DLGAP1: variants seen among roughly 807,000 people sequenced by gnomAD.
The protein encoded by DLGAP1 is disks large-associated protein 1.
DLGAP1 carries 11 observed loss-of-function variants against 90.8 expected under a neutral mutation model. The observed-to-expected ratio is 0.12, with a 90% CI of 0.08 to 0.20. The LOEUF (loss-of-function observed/expected upper bound fraction) is 0.20, where lower values mean the gene tolerates loss of function less well. DLGAP1 is among the 10% of genes least tolerant of loss of function. The pLI is 1.00. For missense variants in DLGAP1, 1,050 were observed against 1,333.8 expected, an observed-to-expected ratio of 0.79 and a Z score of 3.31; for synonymous variants, 558 against 540.7, an observed-to-expected ratio of 1.03 and a Z score of -0.44.
At chr18:3,877,449 T>G (rs917923642) in intron 4 of DLGAP1, among the ~76,000 whole-genome samples, 8 of 152,208 alleles carry the variant, frequency 5.3e-5, no homozygotes, top group Non-Finnish European at 1.0e-4. Context: ...GGTGTTTTTG[T>G]TTTTGTTTTT....
chr18:3,900,914 T>C (rs902290096), intron 3 of DLGAP1, among the ~76,000 whole-genome samples: 17 of 152,278 alleles, frequency 1.1e-4, no homozygotes, highest in African/African-American at 3.9e-4. Context: ...CATCTCCCCC[T>C]CGACCTCGTT....
At chr18:3,868,213 T>TG (rs1204417518) in intron 4 of DLGAP1, among the ~76,000 whole-genome samples, 1 of 152,084 alleles carries the variant, frequency 6.6e-6, no homozygotes, top group Non-Finnish European at 1.5e-5. Context: ...AGGAGTGTTA[T>TG]GGGGGAATGA....
chr18:4,187,598 T>C (rs2077320360), intron 1 of DLGAP1, among the ~76,000 whole-genome samples: 1 of 152,198 alleles, frequency 6.6e-6, no homozygotes, highest in Non-Finnish European at 1.5e-5. Flanking sequence ...ATTAGTATCA[T>C]CCATTTTCTG....
Position 3,499,934 on chromosome 18 carries a change from C to A in DLGAP1, c.2725-540G>T, listed in dbSNP as rs1404611568. Among the ~76,000 whole-genome samples the A allele has an allele frequency of 6.6e-6, 1 of 152,184 alleles. No individual in the cohort carries two copies. Among genetic ancestry groups the A allele is most frequent in the Non-Finnish European group, 1.5e-5 (1 of 68,024 alleles). ...GGAAGAAGAGATATCAGATTGTGTT[C>A]TTTAGCTTTGTTGGTGCTACACCAG... is the stretch of plus-strand genomic sequence containing the variant. On this transcript the variant is annotated intron_variant, in intron 12 of 12. Transcript: ENST00000315677. The surrounding 1 kb of genome is among the most constrained non-coding windows in gnomAD (Gnocchi z 6.4).
At chr18:4,425,013 C>T (rs770293609) in intron 1 of DLGAP1, among the ~76,000 whole-genome samples, 11 of 140,246 alleles carry the variant, frequency 7.8e-5, no homozygotes, top group Non-Finnish European at 1.5e-4. Context: ...ATACAAAAAT[C>T]TTTGCAAGAA....
chr18:4,171,719 A>C (rs1400088637), intron 1 of DLGAP1, among the ~76,000 whole-genome samples: 2 of 152,210 alleles, frequency 1.3e-5, no homozygotes, highest in Non-Finnish European at 2.9e-5. Context: ...TTCACTCATA[A>C]ACCTAGCTTT....
rs2081206729 is a variant in DLGAP1, at chr18:4,342,265, T to C, written c.-267+112741A>G. On this transcript the variant is annotated intron_variant, in intron 1 of 12. Coordinates refer to ENST00000315677, the MANE Select transcript of DLGAP1 (RefSeq NM_004746.4). This position sits in a 1 kb window ranked among gnomAD's most constrained non-coding sequence, Gnocchi z 5.8. ...ACAGAGCCCCTGAACTTGATTCTGC[T>C]TGCATTTTAATGGTAGGCGAGGATT... Among the ~76,000 whole-genome samples, 2 of 152,138 alleles carry C rather than the reference T, an allele frequency of 1.3e-5. No homozygotes were observed. The highest frequency in any genetic ancestry group is 4.8e-5 in the African/African-American group (2 of 41,410).
intron 1 of DLGAP1, among the ~76,000 whole-genome samples, chr18:4,204,120 T>G (rs530374352): frequency 2.6e-5 from 4 of 152,356 alleles, no homozygotes; most frequent in African/African-American, 9.6e-5. Flanking sequence ...GCATTCATCT[T>G]CTATAATATT....
chr18:4,224,746 T>G lies in DLGAP1; in HGVS notation c.-266-73459A>C, dbSNP rs1031138012. ...GGTCTTGGCTCTGGGCCCATATCTC[T>G]GGACCCACCTGGGGCCAGGGGGACT... On this transcript the variant is annotated intron_variant, in intron 1 of 12. Transcript: ENST00000315677. Among the ~76,000 whole-genome samples, 25 of 152,296 alleles carry G rather than the reference T, an allele frequency of 1.6e-4. No individual in the cohort carries two copies. The South Asian group carries it at 4.6e-3, about 28-fold the overall frequency.
At chr18:3,690,766 T>C (rs2147008682) in intron 7 of DLGAP1, among the ~76,000 whole-genome samples, 1 of 152,352 alleles carries the variant, frequency 6.6e-6, no homozygotes, top group South Asian at 2.1e-4. Context: ...TGTAGTTTTT[T>C]CCTCCAGCTT....
At chr18:4,307,275 GA>G (rs2080284826) in intron 1 of DLGAP1, among the ~76,000 whole-genome samples, 1 of 152,090 alleles carries the variant, frequency 6.6e-6, no homozygotes, top group Non-Finnish European at 1.5e-5. Context: ...AGACATTCCA[GA>G]AGGTTCTTTT....
At chr18:3,970,407 A>G (rs2073421397) in intron 3 of DLGAP1, among the ~76,000 whole-genome samples, 3 of 152,200 alleles carry the variant, frequency 2.0e-5, no homozygotes, top group Admixed American at 1.3e-4. Context: ...TGTAGCACTA[A>G]TAATAAAAAG....
At chr18:3,527,514 G>A (rs1253948757) in intron 10 of DLGAP1, among the ~76,000 whole-genome samples, 1 of 140,004 alleles carries the variant, frequency 7.1e-6, no homozygotes, top group Non-Finnish European at 1.5e-5. Flanking sequence ...GAACATGGTT[G>A]TTCTGCTTAT....
chr18:3,885,474 G>A (rs2071285871), intron 3 of DLGAP1: 1 of 152,176 alleles, frequency 6.6e-6, no homozygotes, highest in African/African-American at 2.4e-5. Flanking sequence ...CATGAAAAGA[G>A]ATAAATAACA....
intron 1 of DLGAP1, among the ~76,000 whole-genome samples, chr18:4,331,984 A>G (rs372828029): frequency 2.0e-5 from 3 of 151,916 alleles, no homozygotes; most frequent in Non-Finnish European, 4.4e-5. Context: ...GGAGCTTACA[A>G]TTCAATGGGG....
chr18:3,687,677 C>T (rs1454311132), intron 7 of DLGAP1, among the ~76,000 whole-genome samples: 1 of 152,066 alleles, frequency 6.6e-6, no homozygotes, highest in Non-Finnish European at 1.5e-5. Context: ...TAGCTATGAA[C>T]TTAAAAACAA....
intron 2 of DLGAP1, among the ~76,000 whole-genome samples, chr18:4,033,989 C>T (rs1186861791): frequency 6.0e-5 from 9 of 151,138 alleles, no homozygotes; most frequent in East Asian, 3.9e-4. Context: ...TGCCCGCCTC[C>T]GCCTCCCAAA....
intron 2 of DLGAP1, among the ~76,000 whole-genome samples, chr18:4,094,083 T>A (rs188275890): frequency 6.6e-6 from 1 of 152,196 alleles, no homozygotes; most frequent in Non-Finnish European, 1.5e-5. Flanking sequence ...GATTTTTACA[T>A]CCTTTATGAA....
At chr18:4,182,237 A>G (rs2077221574) in intron 1 of DLGAP1, among the ~76,000 whole-genome samples, 1 of 152,110 alleles carries the variant, frequency 6.6e-6, no homozygotes, top group African/African-American at 2.4e-5. Flanking sequence ...AATTAAGAAC[A>G]AGCAGAAGCA....
Sources: allele counts gnomAD v4.1 joint callset (sites outside exome capture counted in the v4.1 genomes callset), GRCh38; gene constraint gnomAD v4.1.1; non-coding constraint Gnocchi (gnomAD v3.1); transcripts MANE v1.5; gene names NCBI Gene and HGNC (gene_info 2026-07-23, HGNC 2026-07-21).